Variants in FSD1L observed in about 807,000 individuals in gnomAD.
The protein encoded by FSD1L is FSD1-like protein.
A neutral mutation model predicts 71.6 loss-of-function variants in FSD1L; 45 were observed. That is an observed-to-expected ratio of 0.63 (90% CI 0.49 to 0.81). FSD1L has a LOEUF of 0.81. Ranked by LOEUF, FSD1L falls within the 30% of genes least tolerant of loss-of-function variation. The probability of loss-of-function intolerance (pLI) is 0.00; values close to 1 mark genes in which losing one functional copy is unlikely to be tolerated. For synonymous variants in FSD1L, 197 were observed against 207.2 expected, an observed-to-expected ratio of 0.95 and a Z score of 0.42; for missense variants, 561 against 618.1, an observed-to-expected ratio of 0.91 and a Z score of 0.98.
At chr9:105,537,726 T>G (rs1307745509) in intron 12 of FSD1L, among the ~76,000 whole-genome samples, 1 of 152,046 alleles carries the variant, frequency 6.6e-6, no homozygotes, top group East Asian at 1.9e-4. Flanking sequence ...ATGGAAGAGA[T>G]CGAAAGCATA....
intron 5 of FSD1L, 105 bp downstream of exon 5, chr9:105,472,110 A>G (rs1326891517): frequency 7.0e-6 from 9 of 1,280,122 alleles, no homozygotes; most frequent in South Asian, 2.2e-5. Flanking sequence ...TTCTAATACT[A>G]ATAAAGCCTT....
chr9:105,519,984 G>T lies in FSD1L; in HGVS notation c.1025+7048G>T, dbSNP rs1011293845. On this transcript the variant is annotated intron_variant, in intron 10 of 13. Transcript: ENST00000481272. ...GGTGGCGGCCCTGGCCTGGATCGGGGAGGAGTCGGCTCTGCCCTGGCCCGC... is the reference window on the plus strand; with the variant it reads ...GGTGGCGGCCCTGGCCTGGATCGGGTAGGAGTCGGCTCTGCCCTGGCCCGC... The T allele has an allele frequency of 1.2e-5, 17 of 1,366,336 alleles. No homozygotes were observed. The African/African-American group carries it at 2.2e-4, about 18-fold the overall frequency. 84.6% of individuals were successfully genotyped at this position (1,366,336 alleles called of 1,614,324 possible).
At chr9:105,518,435 A>G (rs920375867) in intron 10 of FSD1L, among the ~76,000 whole-genome samples, 2 of 152,364 alleles carry the variant, frequency 1.3e-5, no homozygotes, top group African/African-American at 2.4e-5. Flanking sequence ...AGCAAATGCA[A>G]AAGAATGGAA....
At chr9:105,544,625 A>G (rs2131537291) in intron 13 of FSD1L, among the ~76,000 whole-genome samples, 1 of 152,256 alleles carries the variant, frequency 6.6e-6, no homozygotes, top group Non-Finnish European at 1.5e-5. Flanking sequence ...GAAGGGATCC[A>G]GTTTCAGCTT....
chr9:105,521,311 A>T, intron 10 of FSD1L: 1 of 1,614,210 alleles, frequency 6.2e-7, no homozygotes, highest in Non-Finnish European at 8.5e-7. Flanking sequence ...AAAAATGATA[A>T]TGCTGATAAA....
intron 10 of FSD1L, among the ~76,000 whole-genome samples, chr9:105,528,935 G>GA (rs1232433381): frequency 6.6e-6 from 1 of 151,986 alleles, no homozygotes; most frequent in African/African-American, 2.4e-5. Flanking sequence ...AAATTTACAA[G>GA]AAAAAAACAA....
At chr9:105,509,426 A>AT (rs1834270641) in intron 9 of FSD1L, among the ~76,000 whole-genome samples, 1 of 152,100 alleles carries the variant, frequency 6.6e-6, no homozygotes, top group South Asian at 2.1e-4. Flanking sequence ...AATACAGAGG[A>AT]TTTTTTAGAT....
At chr9:105,448,294 C>T in intron 1 of FSD1L, 59 bp downstream of exon 1, 1 of 584,576 alleles carries the variant, frequency 1.7e-6, no homozygotes, top group Non-Finnish European at 2.7e-6. Flanking sequence ...ACAGGGTGGG[C>T]GGGGCGCCTG....
chr9:105,491,340 A>G (rs1368961105), intron 7 of FSD1L, among the ~76,000 whole-genome samples: 10 of 151,848 alleles, frequency 6.6e-5, no homozygotes, highest in East Asian at 5.8e-4. Context: ...ATTTTTGTAC[A>G]TTGATTTTGT....
chr9:105,492,284 G>C (rs191058003), intron 7 of FSD1L, among the ~76,000 whole-genome samples: 2 of 152,076 alleles, frequency 1.3e-5, no homozygotes, highest in Non-Finnish European at 2.9e-5. Context: ...GTTTATTTGC[G>C]TAGAGGTGTT....
rs80071145 is a variant in FSD1L, at chr9:105,506,773, C to CT, written c.796+178dup. Among the ~76,000 whole-genome samples the CT allele has an allele frequency of 7.8e-3, 1,121 of 143,900 alleles. 14 individuals carry two copies. Among genetic ancestry groups the CT allele is most frequent in the African/African-American group, 0.022 (860 of 39,288 alleles). 94.4% of individuals were successfully genotyped at this position (143,900 alleles called of 152,430 possible). A position where few individuals can be genotyped will look rare whatever the true frequency, so the allele number is the denominator to read the frequency against. ...TTTCTCTTGAAACATCAAGGAAACC[C>CT]TTTTTTTTTTTTTAAGACAGGATCT... On this transcript the variant is annotated intron_variant, in intron 8 of 13. Coordinates refer to ENST00000481272, the MANE Select transcript of FSD1L (RefSeq NM_001145313.3).
chr9:105,533,725 CG>C (rs1489815965), intron 10 of FSD1L, among the ~76,000 whole-genome samples: 1 of 142,550 alleles, frequency 7.0e-6, no homozygotes, highest in Admixed American at 7.0e-5. Flanking sequence ...GCAGCCCCCC[CG>C]TCCCTTTTTT....
chr9:105,528,529 G>A (rs1564143106), intron 10 of FSD1L, among the ~76,000 whole-genome samples: 1 of 152,090 alleles, frequency 6.6e-6, no homozygotes, highest in Non-Finnish European at 1.5e-5. Context: ...ACAAGCAATG[G>A]GGAAAAGATT....
At chr9:105,444,587 T>C (rs748181819), upstream of FSD1L, among the ~76,000 whole-genome samples, 1 of 152,206 alleles carries the variant, frequency 6.6e-6, no homozygotes, top group Non-Finnish European at 1.5e-5. Flanking sequence ...AACCTGGTTC[T>C]GGGAGAGACA....
chr9:105,549,327 AAG>A lies in FSD1L; in HGVS notation c.*2846_*2847del, dbSNP rs1236109849. On this transcript the variant is annotated 3_prime_UTR_variant, in exon 14 of 14. Coordinates refer to ENST00000481272, the MANE Select transcript of FSD1L (RefSeq NM_001145313.3). ...GGAGCTGCCTTAAGCACTTTAGAAA[AAG>A]AATTTTTTTACAATTCATTTTGACT... The A allele has an allele frequency of 6.6e-6, 1 of 152,078 alleles. No homozygotes were observed. Among genetic ancestry groups the A allele is most frequent in the African/African-American group, 2.4e-5 (1 of 41,446 alleles). The allele number at this position is 152,078 out of a possible 1,614,324, so 9.4% of individuals were successfully genotyped here. A position where few individuals can be genotyped will look rare whatever the true frequency, so the allele number is the denominator to read the frequency against.
chr9:105,469,220 A>T (rs77054194), intron 4 of FSD1L, among the ~76,000 whole-genome samples: 1 of 152,200 alleles, frequency 6.6e-6, no homozygotes. Context: ...TAATGCTGCA[A>T]TGAATGTGGG....
At chr9:105,519,944 C>T (rs1376930065) in intron 10 of FSD1L, among the ~76,000 whole-genome samples, 5 of 152,234 alleles carry the variant, frequency 3.3e-5, no homozygotes, top group Admixed American at 6.5e-5. Flanking sequence ...GGAGCCGCGG[C>T]GCGAGGCGGG....
chr9:105,512,767 G>T (rs1408993737), intron 9 of FSD1L, 40 bp from the exon 10 acceptor site: 1 of 1,164,276 alleles, frequency 8.6e-7, no homozygotes, highest in Non-Finnish European at 1.2e-6. Flanking sequence ...GTGGAGATAT[G>T]CTATATTTTA....
intron 10 of FSD1L, among the ~76,000 whole-genome samples, chr9:105,514,449 T>C (rs1015199523): frequency 2.0e-5 from 3 of 152,236 alleles, no homozygotes; most frequent in Admixed American, 1.3e-4. Context: ...CTGGATGTTA[T>C]AGGATTTATA....
Sources: allele counts gnomAD v4.1 joint callset (sites outside exome capture counted in the v4.1 genomes callset), GRCh38; gene constraint gnomAD v4.1.1; transcripts MANE v1.5; gene names NCBI Gene and HGNC (gene_info 2026-07-23, HGNC 2026-07-21).